The following POC1B variants were observed in gnomAD, a reference collection of about 807,000 sequenced individuals.
POC1B encodes POC1 centriolar protein B, also known as POC1 centriolar protein homolog B.
Under a neutral mutation model 60.6 loss-of-function variants are expected in POC1B, and 44 were observed. The ratio of observed to expected loss-of-function variants is 0.73; its 90% CI spans 0.57 to 0.93. POC1B has a LOEUF of 0.93. POC1B is among the 40% of genes least tolerant of loss of function. The pLI, the probability that POC1B is intolerant of heterozygous loss-of-function variation, is 0.00. For synonymous variants in POC1B, 180 were observed against 198.9 expected, an observed-to-expected ratio of 0.90 and a Z score of 0.80; for missense variants, 555 against 572.3, an observed-to-expected ratio of 0.97 and a Z score of 0.31.
At position 89,526,046 on chromosome 12, in the gene POC1B, T is replaced by A; in HGVS notation, c.-151A>T. On this transcript the variant is annotated 5_prime_UTR_variant, in exon 1 of 12. Coordinates refer to ENST00000313546, the MANE Select transcript of POC1B (RefSeq NM_172240.3). ...GGTCACTACAACAACGGCGGCCCAG[T>A]CAAACCCCGCGCTCCAGGCATGGCC... is the stretch of plus-strand genomic sequence containing the variant. The A allele has an allele frequency of 6.5e-7, 1 of 1,533,230 alleles. No individual in the cohort carries two copies. Among genetic ancestry groups the A allele is most frequent in the Non-Finnish European group, 8.7e-7 (1 of 1,145,024 alleles). 95.0% of individuals were successfully genotyped at this position (1,533,230 alleles called of 1,614,324 possible).
intron 10 of POC1B, among the ~76,000 whole-genome samples, chr12:89,447,780 C>T (rs936458970): frequency 9.9e-5 from 15 of 151,878 alleles, no homozygotes; most frequent in African/African-American, 3.4e-4. Context: ...ATTCATTTTA[C>T]GAACCTAAAG....
the POC1B span, among the ~76,000 whole-genome samples, chr12:89,406,758 T>C: frequency 2.0e-5 from 3 of 151,878 alleles, no homozygotes; most frequent in African/African-American, 7.3e-5. Flanking sequence ...CTGGAGGTTA[T>C]CGCCATGGGA....
At chr12:89,417,345 A>C (rs1880380332), downstream of POC1B, among the ~76,000 whole-genome samples, 1 of 152,184 alleles carries the variant, frequency 6.6e-6, no homozygotes, top group Non-Finnish European at 1.5e-5. Flanking sequence ...CTCCACCTAG[A>C]GACTTTAAGG....
chr12:89,412,219 C>T, the POC1B span, among the ~76,000 whole-genome samples: 1 of 152,216 alleles, frequency 6.6e-6, no homozygotes, highest in Non-Finnish European at 1.5e-5. Context: ...AATCCTTGCC[C>T]TGCTGAGCTT....
At chr12:89,507,447 A>G (rs1305190289) in intron 2 of POC1B, among the ~76,000 whole-genome samples, 1 of 152,066 alleles carries the variant, frequency 6.6e-6, no homozygotes, top group Non-Finnish European at 1.5e-5. Flanking sequence ...GCTTTCATAC[A>G]TTTCCATTAA....
In POC1B at chr12:89,420,849, A is replaced by G. The variant is rs560037185; in HGVS notation, c.*304T>C. The G allele has an allele frequency of 4.3e-5, 10 of 230,444 alleles. No homozygotes were observed. The highest frequency in any genetic ancestry group is 6.8e-5 in the Non-Finnish European group (8 of 117,886). 14.3% of individuals were successfully genotyped at this position (230,444 alleles called of 1,614,324 possible). ...TTACTTTCCTGGCAGGATTTGGCCTATAAATGAAAATGGACATTTAAAATA... is the reference window on the plus strand; with the variant it reads ...TTACTTTCCTGGCAGGATTTGGCCTGTAAATGAAAATGGACATTTAAAATA... On this transcript the variant is annotated 3_prime_UTR_variant, in exon 12 of 12. Coordinates refer to ENST00000313546, the MANE Select transcript of POC1B (RefSeq NM_172240.3).
chr12:89,429,514 T>C (rs1478323528), intron 10 of POC1B: 1 of 152,234 alleles, frequency 6.6e-6, no homozygotes, highest in African/African-American at 2.4e-5. Context: ...TAGTACCTGC[T>C]TCTCTCAGCA....
intron 2 of POC1B, among the ~76,000 whole-genome samples, chr12:89,516,823 T>C (rs1195348304): frequency 6.6e-6 from 1 of 152,198 alleles, no homozygotes. Context: ...CTCACTGGCT[T>C]GTGGCTGTGT....
At chr12:89,438,975 A>C (rs1881396122) in intron 10 of POC1B, among the ~76,000 whole-genome samples, 1 of 152,202 alleles carries the variant, frequency 6.6e-6, no homozygotes, top group Admixed American at 6.5e-5. Context: ...ACTTCAATGA[A>C]TGGCACATCA....
At chr12:89,520,270 A>C (rs537829876) in intron 2 of POC1B, 1 of 152,254 alleles carries the variant, frequency 6.6e-6, no homozygotes, top group African/African-American at 2.4e-5. Flanking sequence ...TAAAAGCCTC[A>C]TTTCCCTTTT....
intron 11 of POC1B, among the ~76,000 whole-genome samples, chr12:89,422,891 T>C (rs1340025700): frequency 6.6e-6 from 1 of 152,248 alleles, no homozygotes; most frequent in Non-Finnish European, 1.5e-5. Context: ...TATTATTTAA[T>C]AGCTTTTGCC....
chr12:89,473,862 G>A (rs1883004101), intron 4 of POC1B, among the ~76,000 whole-genome samples: 1 of 151,858 alleles, frequency 6.6e-6, no homozygotes. Context: ...TATAGAACCT[G>A]GGGAAAAAAA....
chr12:89,525,531 G>A, intron 1 of POC1B: 2 of 1,305,166 alleles, frequency 1.5e-6, no homozygotes, highest in Non-Finnish European at 1.9e-6. Flanking sequence ...CAGGTGCGAG[G>A]ATGCGCCTCG....
chr12:89,476,725 GATAGATAGA>G, intron 4 of POC1B, among the ~76,000 whole-genome samples: 1 of 121,920 alleles, frequency 8.2e-6, no homozygotes, highest in Non-Finnish European at 1.7e-5. Context: ...TAGATAGATA[GATAGATAGA>G]TAGATAGATA....
At chr12:89,463,583 G>A (rs1411954784) in intron 9 of POC1B, among the ~76,000 whole-genome samples, 2 of 152,048 alleles carry the variant, frequency 1.3e-5, no homozygotes, top group Non-Finnish European at 2.9e-5. Flanking sequence ...TGTAAAAACT[G>A]GGCTTCTTTC....
At chr12:89,462,582 C>A (rs1310905362) in intron 9 of POC1B, among the ~76,000 whole-genome samples, 1 of 152,314 alleles carries the variant, frequency 6.6e-6, no homozygotes, top group East Asian at 1.9e-4. Context: ...ATCTTGTTCA[C>A]TGCTGCATAC....
downstream of POC1B, among the ~76,000 whole-genome samples, chr12:89,417,414 TAA>T (rs1435057378): frequency 1.3e-5 from 2 of 152,220 alleles, no homozygotes; most frequent in African/African-American, 4.8e-5. Flanking sequence ...AAACACCTTA[TAA>T]AAGTTTTCCC....
chr12:89,511,783 A>C (rs1369493518), intron 2 of POC1B, among the ~76,000 whole-genome samples: 3 of 152,198 alleles, frequency 2.0e-5, no homozygotes, highest in African/African-American at 7.2e-5. Context: ...GGGGCCTGGC[A>C]TAATGGCTCA....
chr12:89,466,806 T>A lies in POC1B; in HGVS notation c.996A>T (p.Thr332=). Reference sequence around the variant, plus strand: ...CAACTTTTTCCTCATGGGGATGTGGTGTTCTTGGGTAGATATCAAGAAGAT... The same window carrying A: ...CAACTTTTTCCTCATGGGGATGTGGAGTTCTTGGGTAGATATCAAGAAGAT... ...PPHLLDIYPR[T]PHPHEEKVET... The change falls in exon 9 of 12, where the codon ACA becomes ACT. Residue 332 remains threonine, a synonymous_variant. Coordinates refer to ENST00000313546, the MANE Select transcript of POC1B (RefSeq NM_172240.3). The A allele has an allele frequency of 6.2e-7, 1 of 1,613,104 alleles. No homozygotes were observed. Among genetic ancestry groups the A allele is most frequent in the Non-Finnish European group, 8.5e-7 (1 of 1,179,382 alleles).
Sources: gnomAD v4.1 joint callset for allele counts (sites outside exome capture counted in the v4.1 genomes callset) on GRCh38, gnomAD v4.1.1 for gene constraint, MANE v1.5 for transcripts, NCBI Gene and HGNC (gene_info 2026-07-23, HGNC 2026-07-21) for gene names.